KIF16B: variants seen among roughly 807,000 people sequenced by gnomAD.
KIF16B encodes the protein kinesin family member 16B.
Under a neutral mutation model 156.3 loss-of-function variants are expected in KIF16B, and 98 were observed. The observed-to-expected ratio is 0.63, with a 90% CI of 0.53 to 0.74. KIF16B has a LOEUF of 0.74. KIF16B is among the 30% of genes least tolerant of loss of function. The pLI is 0.00. For missense variants in KIF16B, 1,421 were observed against 1,606.5 expected (o/e 0.88, Z 1.97); for synonymous variants, 564 against 583.7 (o/e 0.97, Z 0.49).
chr20:16,427,664 C>T (rs1032405579), intron 14 of KIF16B, among the ~76,000 whole-genome samples: 4 of 152,010 alleles, frequency 2.6e-5, no homozygotes, highest in Non-Finnish European at 5.9e-5. Flanking sequence ...CTTACTGAGA[C>T]CTCTGCACTG....
At chr20:16,486,266 C>T (rs1171656191) in intron 12 of KIF16B, among the ~76,000 whole-genome samples, 1 of 151,870 alleles carries the variant, frequency 6.6e-6, no homozygotes, top group Non-Finnish European at 1.5e-5. Flanking sequence ...TCTCAATAAA[C>T]ATGTGCTTAA....
chr20:16,484,113 A>G (rs6034498), intron 12 of KIF16B, among the ~76,000 whole-genome samples: 51,205 of 152,094 alleles, frequency 0.34, 10,710 homozygotes, highest in African/African-American at 0.59. Context: ...TCCCTTATGC[A>G]TTCAAGATAA....
chr20:16,316,475 C>T (rs1196626716), intron 24 of KIF16B, among the ~76,000 whole-genome samples: 1 of 152,130 alleles, frequency 6.6e-6, no homozygotes, highest in African/African-American at 2.4e-5. Flanking sequence ...AGTCACATTC[C>T]TAAGTCCATC....
chr20:16,334,452 C>T (rs898413746), intron 24 of KIF16B, among the ~76,000 whole-genome samples: 3 of 152,134 alleles, frequency 2.0e-5, no homozygotes, highest in Non-Finnish European at 2.9e-5. Flanking sequence ...TACAAGAAGC[C>T]TCTTGGGAAC....
At chr20:16,395,399 G>T (rs1041655335) in intron 17 of KIF16B, among the ~76,000 whole-genome samples, 1 of 150,704 alleles carries the variant, frequency 6.6e-6, no homozygotes, top group African/African-American at 2.4e-5. Context: ...GAGAAGATAT[G>T]AAAGAAATAG....
intron 12 of KIF16B, among the ~76,000 whole-genome samples, chr20:16,437,009 T>C (rs1022655963): frequency 1.3e-5 from 2 of 152,180 alleles, no homozygotes; most frequent in African/African-American, 2.4e-5. Flanking sequence ...TAAAATGGCG[T>C]AGTACTTGCA....
Position 16,573,232 on chromosome 20 carries a change from C to G in KIF16B, c.44G>C (p.Arg15Pro). 7.5e-6 allele frequency: 12 copies of G among 1,598,584 alleles called. No individual in the cohort carries two copies. The highest frequency in any genetic ancestry group is 1.0e-5 in the Non-Finnish European group (12 of 1,173,772). Residue 15 changes from arginine (R) to proline (P), a missense_variant, in exon 1 of 26, where the codon CGC (arginine) becomes CCC (proline). Coordinates refer to ENST00000354981, the MANE Select transcript of KIF16B (RefSeq NM_024704.5). ...GGGCGCGGGCGGCCCCACTCACCTG[C>G]GATTCATGGGCCGGACCCTCACGGC... ...KVAVRVRPMN[R>P]REKDLEAKFI...
rs543466619 is a variant in KIF16B at position 16,416,494 on chromosome 20, A to G, written c.1613-10038T>C. On this transcript the variant is annotated intron_variant, in intron 15 of 25. Transcript: ENST00000354981. ...ACAGGAACAGAAAACCAAACACCACATGTTCTCACTTGTAAGTGGGAGCTG... is the reference window on the plus strand; with the variant it reads ...ACAGGAACAGAAAACCAAACACCACGTGTTCTCACTTGTAAGTGGGAGCTG... Among the ~76,000 whole-genome samples, 26 of 152,196 alleles carry G rather than the reference A, an allele frequency of 1.7e-4. No homozygotes were observed. In the South Asian group the frequency reaches 5.4e-3, roughly 32 times the overall value.
In KIF16B at chr20:16,528,370, C is replaced by T. The variant is rs2069625868; in HGVS notation, c.117+1G>A. 4 of 1,612,872 alleles carry T rather than the reference C, an allele frequency of 2.5e-6. No individual in the cohort carries two copies. In the South Asian group the frequency reaches 4.4e-5, roughly 18 times the overall value. ...TTAAGCAAGGCCAGGTCATGACTTG[C>T]CTTTAAGTTTGTGATTGTCGTTTTG... On this transcript the variant is annotated splice_donor_variant, in intron 2 of 25. Coordinates refer to ENST00000354981, the MANE Select transcript of KIF16B (RefSeq NM_024704.5). LOFTEE classifies it high-confidence loss of function.
intron 24 of KIF16B, among the ~76,000 whole-genome samples, chr20:16,312,837 C>T (rs2063641590): frequency 1.3e-5 from 2 of 149,390 alleles, no homozygotes; most frequent in African/African-American, 2.5e-5. Context: ...GAAAATTCAA[C>T]CTACACACTA....
At chr20:16,280,841 C>CGCGCGTGTGTGTGTGT (rs112026824) in intron 25 of KIF16B, among the ~76,000 whole-genome samples, 813 of 74,444 alleles carry the variant, frequency 0.011, 11 homozygotes, top group African/African-American at 0.034. Flanking sequence ...TGCGCGCGCA[C>CGCGCGTGTGTGTGTGT]GTGTGTGTGT....
At chr20:16,434,816 G>A (rs1476529177) in intron 12 of KIF16B, among the ~76,000 whole-genome samples, 1 of 151,952 alleles carries the variant, frequency 6.6e-6, no homozygotes, top group African/African-American at 2.4e-5. Flanking sequence ...TTTCACTAGC[G>A]AGTAGAATTT....
At chr20:16,350,415 G>T (rs6105582) in intron 23 of KIF16B, among the ~76,000 whole-genome samples, 1 of 151,998 alleles carries the variant, frequency 6.6e-6, no homozygotes, top group Non-Finnish European at 1.5e-5. Context: ...AGGGGGCATA[G>T]AGGTCTACCT....
chr20:16,484,658 C>T lies in KIF16B; in HGVS notation c.1302+9633G>A, dbSNP rs556974363. ...CATTAGAAAAAGATAAAAGGCTTTG[C>T]GTGTGATGGTACTGGTGGTGGCTTT... On this transcript the variant is annotated intron_variant, in intron 12 of 25. Coordinates refer to ENST00000354981, the MANE Select transcript of KIF16B (RefSeq NM_024704.5). Among the ~76,000 whole-genome samples the T allele has an allele frequency of 7.8e-4, 118 of 152,128 alleles. 1 individual carries two copies. The highest frequency in any genetic ancestry group is 1.6e-3 in the Admixed American group (25 of 15,280).
chr20:16,553,088 C>T (rs2070726095), intron 1 of KIF16B, among the ~76,000 whole-genome samples: 1 of 152,110 alleles, frequency 6.6e-6, no homozygotes, highest in African/African-American at 2.4e-5. Context: ...TCTAATGTGG[C>T]CTCCCACCTC....
At chr20:16,329,604 T>C (rs2063914760) in intron 24 of KIF16B, among the ~76,000 whole-genome samples, 1 of 152,174 alleles carries the variant, frequency 6.6e-6, no homozygotes, top group Admixed American at 6.5e-5. Context: ...AGCTGTGGCA[T>C]TATCACTTTA....
intron 6 of KIF16B, 99 bp from the exon 7 acceptor site, chr20:16,508,199 G>T: frequency 7.3e-7 from 1 of 1,369,904 alleles, no homozygotes; most frequent in Non-Finnish European, 1.0e-6. Context: ...TCCAAAATCT[G>T]CTGACCTGTC....
intron 12 of KIF16B, among the ~76,000 whole-genome samples, chr20:16,458,958 A>C (rs549344977): frequency 6.6e-6 from 1 of 152,190 alleles, no homozygotes; most frequent in Non-Finnish European, 1.5e-5. Context: ...ACATAATACA[A>C]CTAATATCCA....
chr20:16,350,290 G>A (rs552164482), intron 23 of KIF16B, among the ~76,000 whole-genome samples: 6 of 152,308 alleles, frequency 3.9e-5, no homozygotes, highest in Non-Finnish European at 8.8e-5. Flanking sequence ...CGGGCACCTC[G>A]GAGCGTAGCC....
Sources: allele counts gnomAD v4.1 joint callset (sites outside exome capture counted in the v4.1 genomes callset), GRCh38; gene constraint gnomAD v4.1.1; transcripts MANE v1.5; gene names NCBI Gene and HGNC (gene_info 2026-07-23, HGNC 2026-07-21).